The following DICER1 variants were observed in gnomAD, a reference collection of about 807,000 sequenced individuals.
DICER1 encodes the protein endoribonuclease Dicer.
DICER1 carries 43 observed loss-of-function variants against 194.1 expected under a neutral mutation model. That is an observed-to-expected ratio of 0.22 (90% CI 0.17 to 0.29). The LOEUF (loss-of-function observed/expected upper bound fraction) is 0.29. Ranked by LOEUF, DICER1 falls within the 10% of genes least tolerant of loss-of-function variation. The pLI is 1.00. For missense variants in DICER1, 1,608 were observed against 2,317.0 expected (o/e 0.69, Z 6.28); for synonymous variants, 832 against 820.5 (o/e 1.01, Z -0.24).
intron 23 of DICER1, 144 bp from the exon 24 acceptor site, chr14:95,094,300 T>A: frequency 9.3e-7 from 1 of 1,079,578 alleles, no homozygotes; most frequent in Non-Finnish European, 1.3e-6. Context: ...ATCTGACATA[T>A]CATACTAAAA....
Position 95,090,360 on chromosome 14 carries a change from CT to C in DICER1, c.*137del. 1 of 936,750 alleles carries C rather than the reference CT, an allele frequency of 1.1e-6. No homozygotes were observed. The highest frequency in any genetic ancestry group is 1.7e-6 in the Non-Finnish European group (1 of 596,990). 58.0% of individuals were successfully genotyped at this position (936,750 alleles called of 1,614,324 possible). A position where few individuals can be genotyped will look rare whatever the true frequency, so the allele number is the denominator to read the frequency against. On this transcript the variant is annotated 3_prime_UTR_variant, in exon 27 of 27. Transcript: ENST00000343455. ...TAAATGTTTTATTCTGTTATCTATC[CT>C]GTTATCAACCAAACTTTAAATTCTG...
chr14:95,129,358 A>T, intron 6 of DICER1, 114 bp downstream of exon 6: 2 of 958,038 alleles, frequency 2.1e-6, no homozygotes, highest in Non-Finnish European at 1.7e-6. Context: ...ATTCCTTTTT[A>T]CTGCCATTTG....
Position 95,094,049 on chromosome 14 carries a change from G to A in DICER1, c.5203C>T (p.Leu1735=), listed in dbSNP as rs188609628. The change falls in exon 24 of 27, where the codon CTG becomes TTG. Residue 1735 remains leucine (L), a synonymous_variant. Coordinates refer to ENST00000343455, the MANE Select transcript of DICER1 (RefSeq NM_177438.3). ...GTGTTGTTGACCAGGGCAGACCGCAGGTCTGTCAGGACCCCCGGGGAGTGC... is the reference window on the plus strand; with the variant it reads ...GTGTTGTTGACCAGGGCAGACCGCAAGTCTGTCAGGACCCCCGGGGAGTGC... ...RQHSPGVLTD[L]RSALVNNTIF... The A allele has an allele frequency of 3.0e-4, 484 of 1,614,114 alleles. No homozygotes were observed. The highest frequency in any genetic ancestry group is 1.2e-4 in the Non-Finnish European group (139 of 1,180,020).
In DICER1 at chr14:95,124,501, T is replaced by C. The variant is rs1044861195; in HGVS notation, c.1071A>G (p.Ala357=). 14 of 1,614,118 alleles carry C rather than the reference T, an allele frequency of 8.7e-6. No homozygotes were observed. Among genetic ancestry groups the C allele is most frequent in the Non-Finnish European group, 1.2e-5 (14 of 1,180,026 alleles). Residue 357 remains alanine (A), a synonymous_variant, in exon 8 of 27, where the codon GCA becomes GCG. Transcript: ENST00000343455. The surrounding 1 kb of genome is among the most constrained non-coding windows in gnomAD (Gnocchi z 4.5). ...CAGGTGAGAAGTGCTCTTCACATAG[T>C]GCATGTATTTTCCTTAGGAAAGTGT... ...FTDTFLRKIH[A]LCEEHFSPAS... is the part of the protein sequence containing the mutation.
Position 95,103,339 on chromosome 14 carries a change from C to G in DICER1, c.4050+7G>C. The G allele has an allele frequency of 6.2e-7, 1 of 1,613,772 alleles. No homozygotes were observed. The highest frequency in any genetic ancestry group is 1.1e-5 in the South Asian group (1 of 91,074). On this transcript the variant is annotated splice_region_variant and intron_variant, in intron 21 of 26. Transcript: ENST00000343455. Reference sequence around the variant, plus strand: ...TAACTGCTCAAAATAAAAAAATCATCTCTTACCTTTTTGCTTCTCATATAT... The same window carrying G: ...TAACTGCTCAAAATAAAAAAATCATGTCTTACCTTTTTGCTTCTCATATAT...
At chr14:95,093,770 G>A in intron 24 of DICER1, 118 bp downstream of exon 24, 2 of 1,106,668 alleles carry the variant, frequency 1.8e-6, no homozygotes, top group Non-Finnish European at 2.8e-6. Flanking sequence ...ACAGCACACT[G>A]GGTCCCACAC....
intron 1 of DICER1, among the ~76,000 whole-genome samples, chr14:95,143,381 T>C (rs190180851): frequency 6.6e-6 from 1 of 152,304 alleles, no homozygotes; most frequent in Non-Finnish European, 1.5e-5. Context: ...CCCCTTTTCT[T>C]TTCCAGATTT....
At position 95,103,229 on chromosome 14, in the gene DICER1, C is replaced by T. The variant is rs1042543491; in HGVS notation, c.4050+117G>A. The T allele has an allele frequency of 2.9e-5, 34 of 1,166,040 alleles. 1 individual carries two copies. The highest frequency in any genetic ancestry group is 2.1e-4 in the Admixed American group (12 of 57,938). 72.2% of individuals were successfully genotyped at this position (1,166,040 alleles called of 1,614,324 possible). ...GAACAAGGGAGCAGCTGTGCTTGGCCGGTGTAGCAATTTCTGAGCATGATA... is the reference window on the plus strand; with the variant it reads ...GAACAAGGGAGCAGCTGTGCTTGGCTGGTGTAGCAATTTCTGAGCATGATA... On this transcript the variant is annotated intron_variant, in intron 21 of 26. Coordinates refer to ENST00000343455, the MANE Select transcript of DICER1 (RefSeq NM_177438.3).
chr14:95,118,452 G>C (rs1940950337), intron 8 of DICER1, among the ~76,000 whole-genome samples: 1 of 152,168 alleles, frequency 6.6e-6, no homozygotes, highest in African/African-American at 2.4e-5. Context: ...GCACAGAAAT[G>C]GCAAGGCAAC....
Position 95,100,008 on chromosome 14 carries a change from A to G in DICER1, c.4051-73T>C. On this transcript the variant is annotated intron_variant, in intron 21 of 26. Transcript: ENST00000343455. ...GAATTCATTCAAGGCATATTAACATATCCTCAGTTAAATGTTCTTAAAATT... is the reference window on the plus strand; with the variant it reads ...GAATTCATTCAAGGCATATTAACATGTCCTCAGTTAAATGTTCTTAAAATT... 3.3e-6 allele frequency: 5 copies of G among 1,510,828 alleles called. 1 individual carries two copies. The South Asian group carries it at 5.7e-5, about 17-fold the overall frequency. 93.6% of individuals were successfully genotyped at this position (1,510,828 alleles called of 1,614,324 possible).
chr14:95,144,745 G>T (rs1479700976), intron 1 of DICER1, among the ~76,000 whole-genome samples: 1 of 152,130 alleles, frequency 6.6e-6, no homozygotes, highest in African/African-American at 2.4e-5. Flanking sequence ...ATCAGGAGAT[G>T]CCACCCCCAA....
At chr14:95,110,059 C>T (rs1020772159) in intron 14 of DICER1, among the ~76,000 whole-genome samples, 2 of 152,056 alleles carry the variant, frequency 1.3e-5, no homozygotes, top group Non-Finnish European at 2.9e-5. Context: ...GGGAAACAAC[C>T]AATTGGTAGA....
intron 14 of DICER1, among the ~76,000 whole-genome samples, chr14:95,109,124 G>C (rs946273808): frequency 6.6e-6 from 1 of 152,168 alleles, no homozygotes; most frequent in Non-Finnish European, 1.5e-5. Context: ...ACTGTAAAGA[G>C]AATATCTGTC....
chr14:95,127,296 T>C (rs1440812100), intron 6 of DICER1, among the ~76,000 whole-genome samples: 3 of 152,220 alleles, frequency 2.0e-5, no homozygotes, highest in South Asian at 2.1e-4. Context: ...GCTTCCTAGT[T>C]TCAGTTTGTA....
At chr14:95,138,273 T>A (rs1894560634) in intron 1 of DICER1, among the ~76,000 whole-genome samples, 1 of 149,824 alleles carries the variant, frequency 6.7e-6, no homozygotes, top group Non-Finnish European at 1.5e-5. Context: ...TCACAGGGTT[T>A]AGAAAAAAAT....
chr14:95,115,159 C>T (rs117493892), intron 11 of DICER1, among the ~76,000 whole-genome samples: 3,896 of 152,250 alleles, frequency 0.026, 79 homozygotes, highest in Non-Finnish European at 0.043. Flanking sequence ...CAAAGAAAAT[C>T]TTATACTTGC....
At chr14:95,097,963 T>C (rs1890511963) in intron 22 of DICER1, among the ~76,000 whole-genome samples, 2 of 152,192 alleles carry the variant, frequency 1.3e-5, no homozygotes, top group Admixed American at 1.3e-4. Flanking sequence ...CATGAAGATG[T>C]TTTTGATTGG....
intron 1 of DICER1, among the ~76,000 whole-genome samples, chr14:95,138,286 T>C (rs1331330481): frequency 6.7e-6 from 1 of 148,660 alleles, no homozygotes; most frequent in Non-Finnish European, 1.5e-5. Flanking sequence ...AAAAAAATGA[T>C]AGGTAGCTGG....
At chr14:95,096,896 A>G (rs369310310) in intron 22 of DICER1, among the ~76,000 whole-genome samples, 183 bp from the exon 23 acceptor site, 1 of 152,260 alleles carries the variant, frequency 6.6e-6, no homozygotes, top group Non-Finnish European at 1.5e-5. Context: ...AATCATATAA[A>G]CAAAGTAAAA....
Sources: allele counts gnomAD v4.1 joint callset (sites outside exome capture counted in the v4.1 genomes callset), GRCh38; gene constraint gnomAD v4.1.1; non-coding constraint Gnocchi (gnomAD v3.1); transcripts MANE v1.5; gene names NCBI Gene and HGNC (gene_info 2026-07-23, HGNC 2026-07-21).